Variants in PCNX2 observed in about 807,000 individuals in gnomAD.
The protein encoded by PCNX2 is pecanex 2.
In PCNX2, 168 loss-of-function variants were observed where a neutral mutation model predicts 223.8. The ratio of observed to expected loss-of-function variants is 0.75; its 90% CI spans 0.66 to 0.85. The LOEUF (loss-of-function observed/expected upper bound fraction) is 0.85, where lower values mean the gene tolerates loss of function less well. Ranked by LOEUF, PCNX2 falls within the 40% of genes least tolerant of loss-of-function variation. The pLI is 0.00. For missense variants in PCNX2, 2,507 were observed against 2,675.5 expected, an observed-to-expected ratio of 0.94 and a Z score of 1.39; for synonymous variants, 1,006 against 1,052.6, an observed-to-expected ratio of 0.96 and a Z score of 0.86.
intron 25 of PCNX2, among the ~76,000 whole-genome samples, chr1:233,042,384 T>A (rs1671673182): frequency 6.6e-6 from 1 of 152,182 alleles, no homozygotes; most frequent in African/African-American, 2.4e-5. Flanking sequence ...TCTGCAGTGG[T>A]CCTTCTGAAG....
At chr1:233,092,557 G>T (rs1231867897) in intron 22 of PCNX2, among the ~76,000 whole-genome samples, 1 of 152,108 alleles carries the variant, frequency 6.6e-6, no homozygotes, top group African/African-American at 2.4e-5. Flanking sequence ...TGAATAGAGA[G>T]GATCTTTTTT....
At chr1:233,127,084 TC>T (rs1252434890) in intron 21 of PCNX2, among the ~76,000 whole-genome samples, 4 of 152,196 alleles carry the variant, frequency 2.6e-5, no homozygotes, top group Non-Finnish European at 5.9e-5. Context: ...CCTATTCAGT[TC>T]CAAGACTCCA....
the PCNX2 span, among the ~76,000 whole-genome samples, chr1:233,312,773 G>T: frequency 3.7e-4 from 56 of 152,230 alleles, no homozygotes; most frequent in Non-Finnish European, 7.2e-4. Context: ...AGAGTACAAG[G>T]ATGGTCAATA....
rs1380386310 is a variant in PCNX2, at chr1:233,208,502, C to A, written c.2863+16G>T. On this transcript the variant is annotated intron_variant, in intron 13 of 33. Coordinates refer to ENST00000258229, the MANE Select transcript of PCNX2 (RefSeq NM_014801.4). Reference sequence around the variant, plus strand: ...CAACCCCCATATTCTTCCCCACAACCCCATAATTAACTCACCTATTAAGTA... The same window carrying A: ...CAACCCCCATATTCTTCCCCACAACACCATAATTAACTCACCTATTAAGTA... 2 of 1,606,744 alleles carry A rather than the reference C, an allele frequency of 1.2e-6. No individual in the cohort carries two copies. Among genetic ancestry groups the A allele is most frequent in the Non-Finnish European group, 1.7e-6 (2 of 1,174,666 alleles).
rs756696792 is a variant in PCNX2, at chr1:232,986,467, T to A, written c.5865A>T (p.Ser1955=). 1.2e-5 allele frequency: 20 copies of A among 1,604,302 alleles called. No homozygotes were observed. In the Admixed American group the frequency reaches 3.4e-4, roughly 27 times the overall value. The change falls in exon 33 of 34, where the codon TCA becomes TCT. Residue 1955 remains serine, a synonymous_variant. Transcript: ENST00000258229. ...ALSQRPPMLS[S]SGPILESRQT... ...GGCGGCTCTCTAAGATGGGGCCAGA[T>A]GAGCTCAGCATGGGCGGCCTTTGGC...
chr1:233,298,299 T>C (rs149743928), upstream of PCNX2, among the ~76,000 whole-genome samples: 2 of 152,278 alleles, frequency 1.3e-5, no homozygotes, highest in African/African-American at 4.8e-5. Context: ...ACGTGATTAA[T>C]AGTGTCAAGT....
At chr1:233,180,278 T>C (rs549051661) in intron 15 of PCNX2, among the ~76,000 whole-genome samples, 4 of 152,312 alleles carry the variant, frequency 2.6e-5, no homozygotes, top group South Asian at 4.1e-4. Flanking sequence ...TATCAACACA[T>C]TGTATTCGGC....
chr1:233,232,446 A>G (rs988591471), intron 9 of PCNX2, among the ~76,000 whole-genome samples: 1 of 152,212 alleles, frequency 6.6e-6, no homozygotes, highest in African/African-American at 2.4e-5. Context: ...CGATATTTTC[A>G]ACTTATGATG....
intron 19 of PCNX2, among the ~76,000 whole-genome samples, chr1:233,159,287 A>G (rs1678322912): frequency 6.6e-6 from 1 of 152,154 alleles, no homozygotes; most frequent in Non-Finnish European, 1.5e-5. Context: ...AGCACTCTCT[A>G]TTCTGGACAG....
chr1:233,018,111 C>T (rs1361897827), intron 26 of PCNX2, among the ~76,000 whole-genome samples: 1 of 152,204 alleles, frequency 6.6e-6, no homozygotes, highest in African/African-American at 2.4e-5. Flanking sequence ...AAGCCTTGAA[C>T]TCCTGGGCTC....
At position 233,295,543 on chromosome 1, in the gene PCNX2, G is replaced by A; in HGVS notation, c.-65C>T. The A allele has an allele frequency of 6.9e-7, 1 of 1,446,212 alleles. No individual in the cohort carries two copies. Among genetic ancestry groups the A allele is most frequent in the South Asian group, 1.5e-5 (1 of 68,902 alleles). The allele number at this position is 1,446,212 out of a possible 1,614,324, so 89.6% of individuals were successfully genotyped here. A position where few individuals can be genotyped will look rare whatever the true frequency, so the allele number is the denominator to read the frequency against. On this transcript the variant is annotated 5_prime_UTR_variant, in exon 1 of 34. Coordinates refer to ENST00000258229, the MANE Select transcript of PCNX2 (RefSeq NM_014801.4). The surrounding 1 kb of genome is among the most constrained non-coding windows in gnomAD (Gnocchi z 4.1). ...CCTGCGCGCCCCGGCCGGATCTCCA[G>A]GCTCCCTCAGGTCTAACACCCGGGC...
At chr1:233,179,766 C>G (rs1342602031) in intron 15 of PCNX2, among the ~76,000 whole-genome samples, 4 of 152,214 alleles carry the variant, frequency 2.6e-5, no homozygotes, top group African/African-American at 9.6e-5. Flanking sequence ...TTGGCTTACT[C>G]AAGCATGTCT....
Position 233,080,591 on chromosome 1 carries a change from T to C in PCNX2, c.4076+9470A>G, listed in dbSNP as rs566953392. Among the ~76,000 whole-genome samples the C allele has an allele frequency of 9.2e-5, 14 of 152,254 alleles. No homozygotes were observed. The South Asian group carries it at 2.9e-3, about 32-fold the overall frequency. On this transcript the variant is annotated intron_variant, in intron 23 of 33. Coordinates refer to ENST00000258229, the MANE Select transcript of PCNX2 (RefSeq NM_014801.4). ...GTTCTATTAAGGGCCTCTTCCAGGT[T>C]GCAGAATGCCAAACTCTCACTGTAT...
intron 8 of PCNX2, among the ~76,000 whole-genome samples, chr1:233,248,552 T>C (rs546352578): frequency 2.7e-4 from 41 of 152,116 alleles, no homozygotes; most frequent in Admixed American, 5.9e-4. Flanking sequence ...AGGAGAGCGA[T>C]GGAAATGGCA....
intron 19 of PCNX2, among the ~76,000 whole-genome samples, chr1:233,144,385 T>C (rs1376855824): frequency 3.3e-5 from 5 of 152,202 alleles, no homozygotes; most frequent in Non-Finnish European, 7.3e-5. Flanking sequence ...AACCTAGTTA[T>C]AGAGTACATA....
intron 12 of PCNX2, among the ~76,000 whole-genome samples, chr1:233,212,167 C>A (rs1458436755): frequency 1.3e-5 from 2 of 152,162 alleles, no homozygotes; most frequent in Non-Finnish European, 2.9e-5. Context: ...CTCTTTGGTT[C>A]CCCTTGTATG....
At chr1:232,984,711 G>A in intron 33 of PCNX2, 1 of 478,676 alleles carries the variant, frequency 2.1e-6, no homozygotes, top group African/African-American at 2.0e-5. Flanking sequence ...GGGCCTTTCT[G>A]GATGACTGCG....
intron 23 of PCNX2, among the ~76,000 whole-genome samples, chr1:233,081,412 G>C (rs1235877720): frequency 6.6e-6 from 1 of 152,100 alleles, no homozygotes; most frequent in Non-Finnish European, 1.5e-5. Flanking sequence ...CCCTTTCTGG[G>C]CCTGAGACTG....
chr1:233,318,028 A>G, the PCNX2 span, among the ~76,000 whole-genome samples: 1 of 152,232 alleles, frequency 6.6e-6, no homozygotes, highest in Non-Finnish European at 1.5e-5. Flanking sequence ...ACACACACAT[A>G]CACACTTGCC....
Sources: allele counts gnomAD v4.1 joint callset (sites outside exome capture counted in the v4.1 genomes callset), GRCh38; gene constraint gnomAD v4.1.1; non-coding constraint Gnocchi (gnomAD v3.1); transcripts MANE v1.5; gene names NCBI Gene and HGNC (gene_info 2026-07-23, HGNC 2026-07-21).